Variants in UVSSA observed in about 807,000 individuals in gnomAD.
UVSSA encodes the protein UV-stimulated scaffold protein A.
In UVSSA, 72 loss-of-function variants were observed where a neutral mutation model predicts 73.9. The observed-to-expected ratio is 0.97, with a 90% confidence interval of 0.81 to 1.19. The LOEUF (loss-of-function observed/expected upper bound fraction) is 1.19, where lower values mean the gene tolerates loss of function less well. UVSSA is among the 50% of genes most tolerant of loss of function. The probability of loss-of-function intolerance (pLI) is 0.00; values close to 1 mark genes in which losing one functional copy is unlikely to be tolerated. For missense variants in UVSSA, 1,150 were observed against 965.0 expected, an observed-to-expected ratio of 1.19 and a Z score of -2.54; for synonymous variants, 454 against 391.3, an observed-to-expected ratio of 1.16 and a Z score of -1.89.
At chr4:1,356,116 C>A (rs974785536) in intron 7 of UVSSA, among the ~76,000 whole-genome samples, 2 of 152,290 alleles carry the variant, frequency 1.3e-5, no homozygotes, top group East Asian at 3.9e-4. Context: ...AAGCCCTGAA[C>A]CCCAACACCC....
chr4:1,354,793 C>T lies in UVSSA; in HGVS notation c.993C>T (p.Asp331=), dbSNP rs149078829. ...DNLALIHAAR[D]TLKLIRNKFL... is the part of the protein sequence containing the mutation. ...TTGCTCTCATCCACGCCGCCCGCGA[C>T]ACACTCAAGCTCATCCGGAACAAGT... The change falls in exon 6 of 14, where the codon GAC becomes GAT. Residue 331 remains aspartate, a synonymous_variant. Transcript: ENST00000389851. The T allele has an allele frequency of 6.8e-6, 11 of 1,613,518 alleles. No individual in the cohort carries two copies. The highest frequency in any genetic ancestry group is 6.7e-5 in the African/African-American group (5 of 74,902).
At chr4:1,346,050 G>A (rs536145675), upstream of UVSSA, among the ~76,000 whole-genome samples, 3 of 152,262 alleles carry the variant, frequency 2.0e-5, no homozygotes, top group South Asian at 4.1e-4. Flanking sequence ...GGAGCGGCTC[G>A]GGGCTGGCTG....
intron 10 of UVSSA, 46 bp downstream of exon 10, chr4:1,376,214 T>G: frequency 6.4e-7 from 1 of 1,560,988 alleles, no homozygotes; most frequent in Non-Finnish European, 8.7e-7. Flanking sequence ...ACAACCAGGG[T>G]CCCAGCCTGA....
chr4:1,380,069 T>C lies in UVSSA; in HGVS notation c.1591T>C (p.Trp531Arg). The C allele has an allele frequency of 2.5e-6, 4 of 1,610,312 alleles. No homozygotes were observed. The highest frequency in any genetic ancestry group is 3.4e-6 in the Non-Finnish European group (4 of 1,178,584). The change falls in exon 11 of 14, where the codon TGG becomes CGG. Residue 531 changes from tryptophan (W) to arginine (R), a missense_variant. Transcript: ENST00000389851. ...CAGGTCTGACTCCCAGCACCGCTTC[T>C]GGAAGCCCAGCGAGGTGGAGGAGGA... ...IVKSDSQHRFWKPSEVEEEVV... is the reference protein window; with the variant it reads ...IVKSDSQHRFRKPSEVEEEVV...
chr4:1,354,533 G>A (rs1047108493), intron 5 of UVSSA: 23 of 587,344 alleles, frequency 3.9e-5, no homozygotes, highest in Non-Finnish European at 7.0e-5. Context: ...GGAGGCTTTG[G>A]TGTTAAGCCA....
In UVSSA at chr4:1,380,161, G is replaced by A. The variant is rs1483330425; in HGVS notation, c.1683G>A (p.Glu561=). The A allele has an allele frequency of 4.6e-5, 75 of 1,613,100 alleles. No individual in the cohort carries two copies. In the East Asian group the frequency reaches 1.7e-3, roughly 36 times the overall value. The stretch of plus-strand genomic sequence containing the variant: ...ACATCACTTTTGCCGGGAAGTTTGA[G>A]CCTGTGCAGCACTGGTGCCGTGCCC... ...SRHITFAGKF[E]PVQHWCRAPR... Residue 561 remains glutamate, a synonymous_variant, in exon 11 of 14, where the codon GAG becomes GAA. Transcript: ENST00000389851.
intron 7 of UVSSA, 48 bp downstream of exon 7, chr4:1,355,293 G>A (rs752654317): frequency 1.1e-4 from 164 of 1,547,308 alleles, no homozygotes; most frequent in Non-Finnish European, 1.4e-4. Flanking sequence ...GGCCTCAGTG[G>A]GGGAGGAGAA....
At position 1,376,033 on chromosome 4, in the gene UVSSA, G is replaced by A; in HGVS notation, c.1434-1G>A. The A allele has an allele frequency of 6.3e-7, 1 of 1,591,952 alleles. No homozygotes were observed. Among genetic ancestry groups the A allele is most frequent in the South Asian group, 1.1e-5 (1 of 87,828 alleles). On this transcript the variant is annotated splice_acceptor_variant, in intron 9 of 13. Coordinates refer to ENST00000389851, the MANE Select transcript of UVSSA (RefSeq NM_020894.4). LOFTEE classifies it high-confidence loss of function. The stretch of plus-strand genomic sequence containing the variant: ...CAGGCTGTCCCACTCTGCTCCTGTA[G>A]CCCCTCCAGAGCGTTGCCAGAGCCA...
rs553508323 is a variant in UVSSA, at chr4:1,349,070, C to T, written c.99-454C>T. ...TGTGCCGGGCGGTTGGCGTTTGTGC[C>T]GGGCGGTGGGCGTTTGTGCCGGGCG... On this transcript the variant is annotated intron_variant, in intron 2 of 13. Transcript: ENST00000389851. 1.1e-3 allele frequency among the ~76,000 whole-genome samples: 163 copies of T among 151,492 alleles called. 1 individual carries two copies. Among genetic ancestry groups the T allele is most frequent in the African/African-American group, 3.7e-3 (154 of 41,272 alleles).
intron 8 of UVSSA, among the ~76,000 whole-genome samples, chr4:1,367,857 A>G (rs112887358): frequency 0.018 from 2,493 of 138,466 alleles, 75 homozygotes; most frequent in African/African-American, 0.067. Flanking sequence ...TCCCCACCCC[A>G]CACACACTGT....
upstream of UVSSA, among the ~76,000 whole-genome samples, chr4:1,346,178 A>C (rs550856100): frequency 3.3e-5 from 5 of 152,246 alleles, 1 homozygote; most frequent in African/African-American, 9.6e-5. Context: ...CTGAGATATA[A>C]CTCACACATC....
intron 12 of UVSSA, among the ~76,000 whole-genome samples, chr4:1,383,368 G>A (rs1439219805): frequency 6.6e-6 from 1 of 152,204 alleles, no homozygotes; most frequent in African/African-American, 2.4e-5. Flanking sequence ...CAGCCTGCAG[G>A]CAGGAAAGGA....
intron 8 of UVSSA, among the ~76,000 whole-genome samples, chr4:1,369,938 C>G (rs1194438542): frequency 6.6e-6 from 1 of 152,254 alleles, no homozygotes; most frequent in Non-Finnish European, 1.5e-5. Flanking sequence ...CTCTTGTTTT[C>G]CGGGAGTCGT....
chr4:1,345,537 C>T (rs536178642), upstream of UVSSA, among the ~76,000 whole-genome samples: 4 of 148,472 alleles, frequency 2.7e-5, no homozygotes, highest in South Asian at 6.5e-4. Flanking sequence ...CCCAGCTACT[C>T]GGGAGGCTGA....
exon 14 of UVSSA, chr4:1,394,394 A>T: frequency 6.7e-7 from 1 of 1,499,888 alleles, no homozygotes; most frequent in Non-Finnish European, 9.1e-7. Flanking sequence ...TAGTACTTTT[A>T]TGGGTTTCAT....
At chr4:1,358,379 C>T (rs1326294491) in intron 7 of UVSSA, 1 of 152,314 alleles carries the variant, frequency 6.6e-6, no homozygotes, top group African/African-American at 2.4e-5. Flanking sequence ...GATGTCACAG[C>T]TCCGGTGGGA....
chr4:1,388,811 T>C (rs1175968401), downstream of UVSSA: 1 of 152,264 alleles, frequency 6.6e-6, no homozygotes, highest in African/African-American at 2.4e-5. Flanking sequence ...TTCTACTTGT[T>C]CATGGTGTAT....
chr4:1,376,713 C>G (rs1237458027), intron 10 of UVSSA, among the ~76,000 whole-genome samples: 1 of 152,248 alleles, frequency 6.6e-6, no homozygotes, highest in Non-Finnish European at 1.5e-5. Context: ...GTGCGAAAGT[C>G]CGGACCGTTG....
At chr4:1,389,189 A>G (rs1319002104), downstream of UVSSA, 1 of 152,058 alleles carries the variant, frequency 6.6e-6, no homozygotes, top group African/African-American at 2.4e-5. Flanking sequence ...ATAATGGTTC[A>G]TAGCATTAAA....
Sources: allele counts gnomAD v4.1 joint callset (sites outside exome capture counted in the v4.1 genomes callset), GRCh38; gene constraint gnomAD v4.1.1; transcripts MANE v1.5; gene names NCBI Gene and HGNC (gene_info 2026-07-23, HGNC 2026-07-21).